Variants in CTNNA2 observed in about 807,000 individuals in gnomAD.
CTNNA2 encodes the protein catenin alpha 2.
Under a neutral mutation model 101.0 loss-of-function variants are expected in CTNNA2, and 42 were observed. That is an observed-to-expected ratio of 0.42 (90% confidence interval 0.32 to 0.54). The LOEUF (loss-of-function observed/expected upper bound fraction) is 0.54. CTNNA2 is among the 20% of genes least tolerant of loss of function. The pLI, the probability that CTNNA2 is intolerant of heterozygous loss-of-function variation, is 0.14. For synonymous variants in CTNNA2, 450 were observed against 456.4 expected (o/e 0.99, Z 0.18); for missense variants, 871 against 1,223.1 (o/e 0.71, Z 4.29).
intron 8 of CTNNA2, among the ~76,000 whole-genome samples, chr2:80,402,402 G>A (rs1225269151): frequency 6.6e-6 from 1 of 152,102 alleles, no homozygotes; most frequent in Non-Finnish European, 1.5e-5. Context: ...CTGGAGGTTG[G>A]GGTGGGTGGG....
chr2:80,543,432 A>G (rs1324050934), intron 9 of CTNNA2, among the ~76,000 whole-genome samples: 1 of 152,204 alleles, frequency 6.6e-6, no homozygotes, highest in African/African-American at 2.4e-5. Flanking sequence ...ATAAACTATA[A>G]GAAATTAAAT....
At chr2:80,033,024 G>A (rs544257082) in intron 7 of CTNNA2, among the ~76,000 whole-genome samples, 82 of 151,372 alleles carry the variant, frequency 5.4e-4, no homozygotes, top group African/African-American at 1.9e-3. Context: ...GGTGGTGGGC[G>A]CCTGTAGTCC....
rs183268550 is a variant in CTNNA2, at chr2:80,378,503, C to T, written c.1057-14708C>T. Among the ~76,000 whole-genome samples, 46 of 151,892 alleles carry T rather than the reference C, an allele frequency of 3.0e-4. 1 individual carries two copies. Among genetic ancestry groups the T allele is most frequent in the Admixed American group, 2.9e-3 (44 of 15,256 alleles). ...CATATGCACACATTCAAATGCAAGG[C>T]ATGATCACAACATTTTTATTTTACT... On this transcript the variant is annotated intron_variant, in intron 7 of 18. Transcript: ENST00000402739.
intron 3 of CTNNA2, among the ~76,000 whole-genome samples, chr2:79,316,548 G>A (rs1353330866): frequency 6.6e-6 from 1 of 151,984 alleles, no homozygotes; most frequent in Non-Finnish European, 1.5e-5. Flanking sequence ...CAATCCATAA[G>A]CACAGGCTTT....
At chr2:80,234,615 A>G (rs532418520) in intron 7 of CTNNA2, among the ~76,000 whole-genome samples, 1 of 152,258 alleles carries the variant, frequency 6.6e-6, no homozygotes, top group East Asian at 1.9e-4. Flanking sequence ...ACCACAGGCA[A>G]AGTCTCAGGC....
intron 7 of CTNNA2, among the ~76,000 whole-genome samples, chr2:80,183,070 C>A (rs937391996): frequency 3.3e-5 from 5 of 152,118 alleles, no homozygotes; most frequent in African/African-American, 9.7e-5. Flanking sequence ...TAGAATACAA[C>A]CTGAATGGTA....
At chr2:79,563,189 T>TATATA (rs879673133) in intron 1 of CTNNA2, among the ~76,000 whole-genome samples, 2,109 of 40,202 alleles carry the variant, frequency 0.052, 37 homozygotes, top group East Asian at 0.16. Context: ...ATATATATAT[T>TATATA]TTCCTTCATT....
At chr2:79,332,911 T>C (rs1307628430) in intron 3 of CTNNA2, among the ~76,000 whole-genome samples, 1 of 151,950 alleles carries the variant, frequency 6.6e-6, no homozygotes, top group African/African-American at 2.4e-5. Context: ...GTGTGCAGGG[T>C]ATTTCTCTTT....
chr2:80,606,573 TC>T (rs1698048745), intron 16 of CTNNA2, among the ~76,000 whole-genome samples: 2 of 151,990 alleles, frequency 1.3e-5, no homozygotes, highest in East Asian at 3.9e-4. Context: ...GATAAAGAAA[TC>T]TTCAGAAAAA....
intron 2 of CTNNA2, among the ~76,000 whole-genome samples, chr2:79,283,427 A>AT (rs1675459419): frequency 2.0e-5 from 2 of 99,330 alleles, no homozygotes; most frequent in Admixed American, 1.1e-4. Flanking sequence ...TCTTGAATTG[A>AT]TTTTTGTATA....
Position 80,463,588 on chromosome 2 carries a change from C to T in CTNNA2, c.1290+43987C>T, listed in dbSNP as rs746849987. Among the ~76,000 whole-genome samples, 13 of 152,118 alleles carry T rather than the reference C, an allele frequency of 8.5e-5. 1 individual carries two copies. The highest frequency in any genetic ancestry group is 1.9e-4 in the African/African-American group (8 of 41,434). On this transcript the variant is annotated intron_variant, in intron 9 of 18. Transcript: ENST00000402739. ...CTGCTTTCAAAATCAACAGTCTCCA[C>T]GGGTGGATACTCAGGATTTGGGGTA...
intron 4 of CTNNA2, among the ~76,000 whole-genome samples, chr2:79,470,089 T>G (rs1433353441): frequency 1.3e-5 from 2 of 152,202 alleles, no homozygotes; most frequent in Non-Finnish European, 2.9e-5. Flanking sequence ...GAAGTCAAAT[T>G]GTCCCTGTTT....
intron 3 of CTNNA2, among the ~76,000 whole-genome samples, chr2:79,828,109 G>A (rs1678584261): frequency 6.6e-6 from 1 of 152,118 alleles, no homozygotes; most frequent in Non-Finnish European, 1.5e-5. Flanking sequence ...TGAGGTTAAA[G>A]GAAAGCAATG....
chr2:80,169,088 A>G (rs1704881724), intron 7 of CTNNA2, among the ~76,000 whole-genome samples: 1 of 152,174 alleles, frequency 6.6e-6, no homozygotes, highest in Admixed American at 6.5e-5. Context: ...GCACCACACT[A>G]TGGGTACCAA....
At chr2:79,907,274 C>T (rs1169796561) in intron 6 of CTNNA2, among the ~76,000 whole-genome samples, 1 of 151,710 alleles carries the variant, frequency 6.6e-6, no homozygotes, top group African/African-American at 2.4e-5. Context: ...ATATTTTTAC[C>T]AGGTATTTCT....
intron 2 of CTNNA2, among the ~76,000 whole-genome samples, chr2:79,741,912 G>A (rs7565103): frequency 0.4 from 60,595 of 151,874 alleles, 13,541 homozygotes; most frequent in African/African-American, 0.62. Flanking sequence ...TGTTTATTCC[G>A]AGCTGATTAT....
At chr2:80,341,162 T>C (rs976427138) in intron 7 of CTNNA2, among the ~76,000 whole-genome samples, 1 of 152,164 alleles carries the variant, frequency 6.6e-6, no homozygotes, top group Non-Finnish European at 1.5e-5. Flanking sequence ...TTAGAGATTT[T>C]TTTTTAATGG....
chr2:79,630,051 A>G (rs1226566293), intron 1 of CTNNA2, among the ~76,000 whole-genome samples: 1 of 152,200 alleles, frequency 6.6e-6, no homozygotes, highest in African/African-American at 2.4e-5. Flanking sequence ...GATCACCTCT[A>G]CAGCTCAGAG....
At chr2:80,094,957 C>A (rs1454139295) in intron 7 of CTNNA2, among the ~76,000 whole-genome samples, 4 of 152,072 alleles carry the variant, frequency 2.6e-5, no homozygotes, top group East Asian at 1.9e-4. Flanking sequence ...AAACAGGGAC[C>A]ATTTGACTTC....
Sources: gnomAD v4.1 joint callset for allele counts (sites outside exome capture counted in the v4.1 genomes callset) on GRCh38, gnomAD v4.1.1 for gene constraint, MANE v1.5 for transcripts, NCBI Gene and HGNC (gene_info 2026-07-23, HGNC 2026-07-21) for gene names.